The following ARL15 variants were observed in gnomAD, a reference collection of about 807,000 sequenced individuals.
The protein encoded by ARL15 is ADP-ribosylation factor-like protein 15.
In ARL15, 19 loss-of-function variants were observed where a neutral mutation model predicts 25.2. That is an observed-to-expected ratio of 0.75 (90% CI 0.53 to 1.10). ARL15 has a LOEUF of 1.10. ARL15 is among the 50% of genes least tolerant of loss of function. The pLI is 0.00. For missense variants in ARL15, 220 were observed against 246.0 expected, an observed-to-expected ratio of 0.89 and a Z score of 0.71; for synonymous variants, 94 against 86.8, an observed-to-expected ratio of 1.08 and a Z score of -0.46.
intron 4 of ARL15, among the ~76,000 whole-genome samples, chr5:53,985,392 A>G (rs1186507471): frequency 6.6e-6 from 1 of 152,166 alleles, no homozygotes; most frequent in Non-Finnish European, 1.5e-5. Context: ...TGCAACCATC[A>G]CCACCATCCA....
chr5:54,086,514 G>C (rs973285509), intron 4 of ARL15, among the ~76,000 whole-genome samples: 2 of 151,408 alleles, frequency 1.3e-5, no homozygotes, highest in Admixed American at 1.3e-4. Flanking sequence ...ATTTTATCAG[G>C]CTTTGTGTTG....
chr5:54,227,668 C>T (rs1756564795), intron 1 of ARL15, among the ~76,000 whole-genome samples: 1 of 152,212 alleles, frequency 6.6e-6, no homozygotes, highest in South Asian at 2.1e-4. Flanking sequence ...GCAGCTAAAA[C>T]ATAAAGCAAG....
chr5:53,928,535 C>T, intron 4 of ARL15, among the ~76,000 whole-genome samples: 1 of 152,108 alleles, frequency 6.6e-6, no homozygotes, highest in Non-Finnish European at 1.5e-5. Flanking sequence ...ATTGAGGCTC[C>T]ATTCTGAGGA....
chr5:53,926,999 C>T (rs2112037423), intron 4 of ARL15, among the ~76,000 whole-genome samples: 1 of 151,718 alleles, frequency 6.6e-6, no homozygotes, highest in South Asian at 2.1e-4. Flanking sequence ...ATATCTTCCT[C>T]CGTTTTAATT....
chr5:54,015,289 T>C (rs1339312303), intron 4 of ARL15, among the ~76,000 whole-genome samples: 36 of 86,664 alleles, frequency 4.2e-4, no homozygotes, highest in Non-Finnish European at 7.1e-4. Context: ...CGAAACTCCA[T>C]CTCAAAAAAA....
chr5:53,988,010 G>A (rs1017459433), intron 4 of ARL15, among the ~76,000 whole-genome samples: 4 of 152,110 alleles, frequency 2.6e-5, no homozygotes, highest in South Asian at 2.1e-4. Context: ...GGCTGAGGCA[G>A]GAGAATGGCA....
chr5:54,226,310 T>C (rs1756517103), intron 1 of ARL15, among the ~76,000 whole-genome samples: 1 of 151,962 alleles, frequency 6.6e-6, no homozygotes, highest in Non-Finnish European at 1.5e-5. Flanking sequence ...TTAGAGGAAA[T>C]GAAGGAATGA....
At chr5:54,041,859 T>C (rs1428919538) in intron 4 of ARL15, among the ~76,000 whole-genome samples, 1 of 152,180 alleles carries the variant, frequency 6.6e-6, no homozygotes, top group Non-Finnish European at 1.5e-5. Context: ...TTGAGGGCTA[T>C]GTAGCTATGT....
At chr5:54,300,711 T>C (rs1579993773) in intron 1 of ARL15, among the ~76,000 whole-genome samples, 1 of 152,218 alleles carries the variant, frequency 6.6e-6, no homozygotes, top group East Asian at 1.9e-4. Context: ...CATCTACATT[T>C]ATGCATCCCT....
In ARL15 at chr5:54,310,527, G is replaced by A. The variant is rs750836951; in HGVS notation, c.-48C>T. ...ACGGCTCCGAACCCGGAAAAAAAAA[G>A]CAGCGTCTCTGGCTGCGAGCGAGCA... is the stretch of plus-strand genomic sequence containing the variant. On this transcript the variant is annotated 5_prime_UTR_variant, in exon 1 of 5. Transcript: ENST00000504924. 44 of 1,558,094 alleles carry A rather than the reference G, an allele frequency of 2.8e-5. 2 individuals carry two copies. In the South Asian group the frequency reaches 5.1e-4, roughly 18 times the overall value.
intron 4 of ARL15, among the ~76,000 whole-genome samples, chr5:54,066,320 G>A (rs1751229902): frequency 6.6e-6 from 1 of 152,094 alleles, no homozygotes; most frequent in African/African-American, 2.4e-5. Flanking sequence ...ACTAGAAAAA[G>A]TATACTCATA....
At chr5:54,276,637 ATATGT>A (rs1340934060) in intron 1 of ARL15, among the ~76,000 whole-genome samples, 1 of 152,226 alleles carries the variant, frequency 6.6e-6, no homozygotes, top group African/African-American at 2.4e-5. Flanking sequence ...GAAACTGTGA[ATATGT>A]TATCTTACAT....
chr5:54,204,240 T>G (rs1164648147), intron 1 of ARL15, among the ~76,000 whole-genome samples: 1 of 152,204 alleles, frequency 6.6e-6, no homozygotes, highest in Non-Finnish European at 1.5e-5. Context: ...AAGACTGAAC[T>G]TTTCCATCCA....
chr5:54,060,607 C>A (rs1314522051), intron 4 of ARL15, among the ~76,000 whole-genome samples: 1 of 152,186 alleles, frequency 6.6e-6, no homozygotes, highest in East Asian at 1.9e-4. Context: ...TCCAATTAAA[C>A]CTCTTTTTCT....
chr5:54,134,258 G>T (rs1309976679), intron 3 of ARL15, among the ~76,000 whole-genome samples: 2 of 152,156 alleles, frequency 1.3e-5, no homozygotes, highest in Non-Finnish European at 2.9e-5. Context: ...TACATTTGGG[G>T]AATACCATAG....
chr5:54,131,083 TG>T (rs1753414681), intron 3 of ARL15, among the ~76,000 whole-genome samples: 1 of 152,204 alleles, frequency 6.6e-6, no homozygotes, highest in Admixed American at 6.5e-5. Context: ...CAGTGGGACC[TG>T]GGGCATGCTC....
intron 4 of ARL15, among the ~76,000 whole-genome samples, chr5:54,094,775 A>T (rs950043019): frequency 6.6e-6 from 1 of 152,190 alleles, no homozygotes; most frequent in Non-Finnish European, 1.5e-5. Context: ...TGTTTGTCCC[A>T]TCATAAGCAC....
chr5:54,169,748 T>C (rs1241954536), intron 2 of ARL15, among the ~76,000 whole-genome samples: 2 of 152,138 alleles, frequency 1.3e-5, no homozygotes, highest in African/African-American at 4.8e-5. Context: ...CTACAGGCAC[T>C]AACTGGGAGA....
Position 53,886,646 on chromosome 5 carries a change from A to ACT in ARL15, c.529_530insAG (p.Leu177GlnfsTer8). On this transcript the variant is annotated frameshift_variant, in exon 5 of 5. Transcript: ENST00000504924. LOFTEE classifies it high-confidence loss of function. ...GTCTTTCAGTGCATCCATGTCATCC[A>ACT]GTGAGCAGGGCTGTAGAATCCAGCG... is the stretch of plus-strand genomic sequence containing the variant. 6.3e-7 allele frequency: 1 copy of ACT among 1,575,216 alleles called. No individual in the cohort carries two copies. Among genetic ancestry groups the ACT allele is most frequent in the Non-Finnish European group, 8.6e-7 (1 of 1,158,710 alleles).
Sources: gnomAD v4.1 joint callset for allele counts (sites outside exome capture counted in the v4.1 genomes callset) on GRCh38, gnomAD v4.1.1 for gene constraint, MANE v1.5 for transcripts, NCBI Gene and HGNC (gene_info 2026-07-23, HGNC 2026-07-21) for gene names.